SLC39A11: variants seen among roughly 807,000 people sequenced by gnomAD.
The protein encoded by SLC39A11 is solute carrier family 39 member 11.
SLC39A11 carries 33 observed loss-of-function variants against 36.1 expected under a neutral mutation model. That is an observed-to-expected ratio of 0.91 (90% CI 0.69 to 1.22). The LOEUF (loss-of-function observed/expected upper bound fraction) is 1.22, where lower values mean the gene tolerates loss of function less well. SLC39A11 is among the 50% of genes most tolerant of loss of function. The pLI is 0.00. For synonymous variants in SLC39A11, 166 were observed against 170.3 expected (o/e 0.97, Z 0.20); for missense variants, 432 against 430.3 (o/e 1.00, Z -0.03).
intron 7 of SLC39A11, among the ~76,000 whole-genome samples, chr17:72,658,242 G>T (rs1220135848): frequency 1.4e-4 from 21 of 152,192 alleles, no homozygotes; most frequent in Admixed American, 1.4e-3. Flanking sequence ...TCATGGGCTT[G>T]GCCTCTCCGT....
chr17:72,828,109 A>G (rs911609698), intron 6 of SLC39A11, among the ~76,000 whole-genome samples: 2 of 152,230 alleles, frequency 1.3e-5, no homozygotes, highest in African/African-American at 2.4e-5. Flanking sequence ...AATACATGCT[A>G]TGGTAGGAAA....
chr17:73,085,932 A>C (rs771277931), intron 2 of SLC39A11, among the ~76,000 whole-genome samples: 1 of 152,240 alleles, frequency 6.6e-6, no homozygotes, highest in South Asian at 2.1e-4. Context: ...ACGCACACAC[A>C]TACTACAGTT....
intron 5 of SLC39A11, among the ~76,000 whole-genome samples, chr17:72,904,049 C>G (rs1567920948): frequency 6.6e-6 from 1 of 152,204 alleles, no homozygotes; most frequent in East Asian, 1.9e-4. Context: ...GAGATGAAAA[C>G]ACAGCTAGGG....
rs140443841 is a variant in SLC39A11 at position 72,730,917 on chromosome 17, A to G, written c.671+5733T>C. Among the ~76,000 whole-genome samples the G allele has an allele frequency of 4.0e-3, 612 of 152,136 alleles. 1 individual carries two copies. The highest frequency in any genetic ancestry group is 6.2e-3 in the Non-Finnish European group (424 of 67,998). On this transcript the variant is annotated intron_variant, in intron 7 of 9. Transcript: ENST00000255559. ...AGGTGTGCGCCACCACGTCCGGCGA[A>G]TTTTTTGTATTTTTAGTAGAGACGG... is the stretch of plus-strand genomic sequence containing the variant.
chr17:72,992,009 T>A (rs1407546481), intron 4 of SLC39A11, among the ~76,000 whole-genome samples: 1 of 152,210 alleles, frequency 6.6e-6, no homozygotes, highest in African/African-American at 2.4e-5. Flanking sequence ...ATACTGAATA[T>A]TGTCAAACCT....
At chr17:72,779,254 GC>G (rs1438397169) in intron 6 of SLC39A11, among the ~76,000 whole-genome samples, 5 of 152,034 alleles carry the variant, frequency 3.3e-5, no homozygotes, top group African/African-American at 1.2e-4. Flanking sequence ...GACCAGCCTG[GC>G]CAACATGGTG....
chr17:72,726,607 C>G (rs1567990627), intron 7 of SLC39A11, among the ~76,000 whole-genome samples: 1 of 152,204 alleles, frequency 6.6e-6, no homozygotes, highest in African/African-American at 2.4e-5. Context: ...CTTACACATA[C>G]AGACATGCTC....
chr17:72,969,701 G>C (rs1247297620), intron 4 of SLC39A11, among the ~76,000 whole-genome samples: 1 of 151,892 alleles, frequency 6.6e-6, no homozygotes, highest in Non-Finnish European at 1.5e-5. Context: ...ATACACAGCA[G>C]ACAATCCAGA....
chr17:72,689,374 G>A (rs2071909204), intron 7 of SLC39A11, among the ~76,000 whole-genome samples: 1 of 152,210 alleles, frequency 6.6e-6, no homozygotes, highest in Non-Finnish European at 1.5e-5. Context: ...AAGGCCCGAT[G>A]GGGCAGTTTT....
chr17:72,737,652 C>A (rs2144014708), intron 6 of SLC39A11, among the ~76,000 whole-genome samples: 1 of 152,262 alleles, frequency 6.6e-6, no homozygotes, highest in South Asian at 2.1e-4. Context: ...TACCTCCAGG[C>A]ATCTCAATTA....
At chr17:72,695,415 C>T (rs921014390) in intron 7 of SLC39A11, among the ~76,000 whole-genome samples, 22 of 152,234 alleles carry the variant, frequency 1.4e-4, no homozygotes, top group African/African-American at 1.9e-4. Flanking sequence ...TAAAACAGGG[C>T]GCTGCACCCC....
At chr17:72,687,144 A>C (rs532392597) in intron 7 of SLC39A11, among the ~76,000 whole-genome samples, 3 of 152,266 alleles carry the variant, frequency 2.0e-5, no homozygotes, top group African/African-American at 7.2e-5. Context: ...TTCCCACTTC[A>C]GTCTCCCAAG....
intron 7 of SLC39A11, among the ~76,000 whole-genome samples, chr17:72,714,142 A>C (rs2073236313): frequency 6.6e-6 from 1 of 152,108 alleles, no homozygotes; most frequent in South Asian, 2.1e-4. Flanking sequence ...GATGACCTGA[A>C]GTCAGGAGTT....
At chr17:72,822,374 G>C (rs1567768453) in intron 6 of SLC39A11, among the ~76,000 whole-genome samples, 2 of 149,518 alleles carry the variant, frequency 1.3e-5, no homozygotes, top group African/African-American at 4.9e-5. Flanking sequence ...GAGGGAGAGA[G>C]ATCTATCTAA....
intron 5 of SLC39A11, among the ~76,000 whole-genome samples, chr17:72,928,227 T>C (rs1445309788): frequency 6.6e-6 from 1 of 152,198 alleles, no homozygotes; most frequent in East Asian, 1.9e-4. Context: ...CTGGGCTTAG[T>C]GAAGGCAGAG....
At chr17:72,908,552 G>A (rs564582590) in intron 5 of SLC39A11, among the ~76,000 whole-genome samples, 2 of 152,336 alleles carry the variant, frequency 1.3e-5, no homozygotes, top group Admixed American at 6.5e-5. Flanking sequence ...TGCCAGGCTG[G>A]TTCTCCATGA....
intron 6 of SLC39A11, among the ~76,000 whole-genome samples, chr17:72,781,889 A>G (rs1453442732): frequency 6.8e-6 from 1 of 147,350 alleles, no homozygotes; most frequent in African/African-American, 2.5e-5. Flanking sequence ...TCACCATCCA[A>G]AAAAAAAAAA....
intron 4 of SLC39A11, among the ~76,000 whole-genome samples, chr17:73,004,236 G>GAAAGAAAGA (rs2090058135): frequency 7.0e-6 from 1 of 143,412 alleles, no homozygotes; most frequent in East Asian, 2.2e-4. Flanking sequence ...AGAAAGAAAA[G>GAAAGAAAGA]AAAGAAAGAG....
chr17:72,727,736 A>G (rs2073991519), intron 7 of SLC39A11, among the ~76,000 whole-genome samples: 1 of 151,856 alleles, frequency 6.6e-6, no homozygotes, highest in East Asian at 1.9e-4. Context: ...GAGTCTTCCT[A>G]ATTCAGGAGA....
Sources: allele counts gnomAD v4.1 joint callset (sites outside exome capture counted in the v4.1 genomes callset), GRCh38; gene constraint gnomAD v4.1.1; transcripts MANE v1.5; gene names NCBI Gene and HGNC (gene_info 2026-07-23, HGNC 2026-07-21).